TRPC1: variants seen among roughly 807,000 people sequenced by gnomAD.
TRPC1 encodes short transient receptor potential channel 1.
A neutral mutation model predicts 88.2 loss-of-function variants in TRPC1; 42 were observed. The ratio of observed to expected loss-of-function variants is 0.48; its 90% CI spans 0.37 to 0.62. TRPC1 has a LOEUF of 0.62. Among genes scored for constraint, TRPC1 ranks in the 20% least tolerant of loss-of-function variants. TRPC1 has a pLI of 0.00. For synonymous variants in TRPC1, 288 were observed against 331.8 expected, an observed-to-expected ratio of 0.87 and a Z score of 1.43; for missense variants, 699 against 957.3, an observed-to-expected ratio of 0.73 and a Z score of 3.56.
intron 4 of TRPC1, among the ~76,000 whole-genome samples, chr3:142,756,507 C>T (rs1320516859): frequency 1.3e-5 from 2 of 151,962 alleles, no homozygotes. Flanking sequence ...CTACAGGCGC[C>T]CACCACCACG....
chr3:142,798,820 A>G (rs1209861495), intron 9 of TRPC1, among the ~76,000 whole-genome samples: 1 of 152,200 alleles, frequency 6.6e-6, no homozygotes, highest in Non-Finnish European at 1.5e-5. Context: ...GACAGTGACT[A>G]GAAGTTGTGA....
intron 4 of TRPC1, among the ~76,000 whole-genome samples, chr3:142,766,903 T>C (rs1483596282): frequency 6.6e-6 from 1 of 152,226 alleles, no homozygotes; most frequent in Non-Finnish European, 1.5e-5. Context: ...AAGTCCTCCA[T>C]TTTAAAATCT....
chr3:142,729,426 A>G (rs1322092989), intron 1 of TRPC1, among the ~76,000 whole-genome samples: 1 of 150,528 alleles, frequency 6.6e-6, no homozygotes, highest in Non-Finnish European at 1.5e-5. Flanking sequence ...AGGAGAAGTA[A>G]GGAAACAAAA....
chr3:142,798,174 C>T (rs929155000), intron 9 of TRPC1, among the ~76,000 whole-genome samples: 2 of 152,082 alleles, frequency 1.3e-5, no homozygotes, highest in African/African-American at 4.8e-5. Context: ...GAGTCTGATG[C>T]AGCATTTGAC....
chr3:142,746,166 G>T (rs905905940), intron 3 of TRPC1, among the ~76,000 whole-genome samples: 1 of 152,074 alleles, frequency 6.6e-6, no homozygotes, highest in African/African-American at 2.4e-5. Flanking sequence ...TTCTTTTAGC[G>T]TTTCAGTAAT....
At chr3:142,766,227 G>A (rs1404458723) in intron 4 of TRPC1, among the ~76,000 whole-genome samples, 2 of 152,116 alleles carry the variant, frequency 1.3e-5, no homozygotes, top group East Asian at 1.9e-4. Context: ...TCCTGGGTGT[G>A]TCTGTGAGGG....
At chr3:142,760,153 C>CA (rs1187369791) in intron 4 of TRPC1, among the ~76,000 whole-genome samples, 7 of 151,250 alleles carry the variant, frequency 4.6e-5, no homozygotes, top group Admixed American at 6.6e-5. Flanking sequence ...GCCTTACACA[C>CA]AAAAAAAAAT....
At chr3:142,742,102 G>T (rs988733882) in intron 2 of TRPC1, among the ~76,000 whole-genome samples, 4 of 151,438 alleles carry the variant, frequency 2.6e-5, no homozygotes, top group African/African-American at 4.9e-5. Flanking sequence ...GGCGGAGGTT[G>T]CAGTGAGCCA....
chr3:142,753,058 T>G (rs1453721324), intron 4 of TRPC1, among the ~76,000 whole-genome samples: 3 of 152,054 alleles, frequency 2.0e-5, no homozygotes, highest in African/African-American at 4.8e-5. Context: ...GTCTGATCTC[T>G]CTTTCTTTTC....
chr3:142,751,083 TAAA>T, intron 4 of TRPC1, among the ~76,000 whole-genome samples: 1 of 152,080 alleles, frequency 6.6e-6, no homozygotes, highest in Non-Finnish European at 1.5e-5. Context: ...GTTTACAAAA[TAAA>T]AAAATTACTG....
chr3:142,804,685 C>A, intron 12 of TRPC1, 55 bp downstream of exon 12: 1 of 1,506,692 alleles, frequency 6.6e-7, no homozygotes, highest in South Asian at 1.3e-5. Context: ...TTCCTAATCT[C>A]AGATATTTCT....
At chr3:142,748,087 TAA>T (rs1934624155) in intron 3 of TRPC1, among the ~76,000 whole-genome samples, 169 bp from the exon 4 acceptor site, 1 of 152,178 alleles carries the variant, frequency 6.6e-6, no homozygotes, top group Non-Finnish European at 1.5e-5. Context: ...TAATTAGAGT[TAA>T]GTTTTGAGGT....
chr3:142,797,318 G>C (rs574616002), intron 9 of TRPC1, among the ~76,000 whole-genome samples: 2 of 151,930 alleles, frequency 1.3e-5, no homozygotes, highest in African/African-American at 4.8e-5. Context: ...TGTTTCCTAG[G>C]GAAATCTGCC....
intron 5 of TRPC1, among the ~76,000 whole-genome samples, chr3:142,779,713 C>T (rs949794350): frequency 3.3e-5 from 5 of 152,116 alleles, no homozygotes; most frequent in African/African-American, 1.2e-4. Context: ...GGGAAATCTT[C>T]CTGTTTCCCC....
chr3:142,804,327 T>C, intron 11 of TRPC1, 109 bp from the exon 12 acceptor site: 1 of 1,166,210 alleles, frequency 8.6e-7, no homozygotes, highest in Non-Finnish European at 1.2e-6. Context: ...AAGTAATGTA[T>C]AATAATTGCA....
chr3:142,778,462 T>C (rs184413080), intron 5 of TRPC1, among the ~76,000 whole-genome samples: 1 of 152,148 alleles, frequency 6.6e-6, no homozygotes, highest in East Asian at 1.9e-4. Context: ...AAACTACTAA[T>C]TTAAATATTG....
At chr3:142,739,058 G>A (rs904059778) in intron 2 of TRPC1, among the ~76,000 whole-genome samples, 5 of 152,010 alleles carry the variant, frequency 3.3e-5, no homozygotes, top group Middle Eastern at 3.2e-3. Flanking sequence ...TGCAACCTCT[G>A]CCTCCTGGGT....
intron 2 of TRPC1, among the ~76,000 whole-genome samples, chr3:142,739,877 T>G (rs36085850): frequency 0.17 from 25,420 of 152,102 alleles, 2,291 homozygotes; most frequent in Middle Eastern, 0.25. Context: ...AAGGCAGATA[T>G]GAGTCCATGG....
chr3:142,728,602 T>C (rs535425283), intron 1 of TRPC1, among the ~76,000 whole-genome samples: 1 of 152,316 alleles, frequency 6.6e-6, no homozygotes, highest in Admixed American at 6.5e-5. Context: ...ATTATAGGCG[T>C]GGGCCACCGT....
Sources: allele counts gnomAD v4.1 joint callset (sites outside exome capture counted in the v4.1 genomes callset), GRCh38; gene constraint gnomAD v4.1.1; transcripts MANE v1.5; gene names NCBI Gene and HGNC (gene_info 2026-07-23, HGNC 2026-07-21).